Variants in PFKFB4 observed in about 807,000 individuals in gnomAD.
PFKFB4 encodes the protein 6-phosphofructo-2-kinase/fructose-2,6-biphosphatase 4, also known as 6-phosphofructo-2-kinase/fructose-2,6-bisphosphatase 4.
In PFKFB4, 42 loss-of-function variants were observed where a neutral mutation model predicts 62.8. That is an observed-to-expected ratio of 0.67 (90% confidence interval 0.52 to 0.86). The LOEUF is 0.86. PFKFB4 is among the 40% of genes least tolerant of loss of function. PFKFB4 has a pLI of 0.00. For synonymous variants in PFKFB4, 204 were observed against 240.7 expected (o/e 0.85, Z 1.41); for missense variants, 475 against 627.2 (o/e 0.76, Z 2.59).
At chr3:48,540,143 C>T (rs1013340049) in intron 4 of PFKFB4, among the ~76,000 whole-genome samples, 2 of 152,174 alleles carry the variant, frequency 1.3e-5, no homozygotes, top group Admixed American at 6.5e-5. Context: ...TAAACTGAAC[C>T]TATGTTTATT....
At chr3:48,520,830 G>A (rs1307451631) in intron 13 of PFKFB4, among the ~76,000 whole-genome samples, 4 of 152,204 alleles carry the variant, frequency 2.6e-5, no homozygotes, top group Non-Finnish European at 5.9e-5. Context: ...CCCAAGGGCT[G>A]CCAGGCCCAG....
rs1168566102 is a variant in PFKFB4 at position 48,556,759 on chromosome 3, A to G, written c.19T>C (p.Leu7=). The part of the protein sequence containing the change: MASPRE[L]TQNPLKKIWM... ...ATCTTCTTCAGGGGGTTCTGTGTCA[A>G]TTCCCGTGGGGACGCCATCCCGGGG... is the stretch of plus-strand genomic sequence containing the variant. Residue 7 remains leucine, a synonymous_variant, in exon 1 of 14, where the codon TTG becomes CTG. Transcript: ENST00000232375. The surrounding 1 kb of genome is among the most constrained non-coding windows in gnomAD (Gnocchi z 5.7). 3.7e-6 allele frequency: 6 copies of G among 1,602,308 alleles called. No individual in the cohort carries two copies. Among genetic ancestry groups the G allele is most frequent in the Admixed American group, 1.7e-5 (1 of 58,344 alleles).
chr3:48,523,413 TG>T (rs2042157242), intron 12 of PFKFB4, 123 bp downstream of exon 12: 2 of 899,488 alleles, frequency 2.2e-6, no homozygotes, highest in Non-Finnish European at 3.6e-6. Context: ...GGAAAGGTGG[TG>T]GGGTAGTAGG....
chr3:48,536,585 C>A, intron 7 of PFKFB4, 122 bp from the exon 8 acceptor site: 1 of 724,562 alleles, frequency 1.4e-6, no homozygotes. Flanking sequence ...AGATTACAAC[C>A]CTCAGGACCG....
upstream of PFKFB4, chr3:48,563,008 A>C (rs1486115688): frequency 6.2e-7 from 1 of 1,610,554 alleles, no homozygotes; most frequent in South Asian, 1.1e-5. This position sits in a 1 kb window ranked among gnomAD's most constrained non-coding sequence, Gnocchi z 4.5. Flanking sequence ...CAGGTCGGGG[A>C]GTGGTCTGGG....
chr3:48,550,874 G>A (rs182340899), intron 1 of PFKFB4, among the ~76,000 whole-genome samples: 27 of 152,324 alleles, frequency 1.8e-4, no homozygotes, highest in African/African-American at 6.0e-4. Context: ...AGCAGAAGAA[G>A]CCCTGTGGTA....
intron 9 of PFKFB4, among the ~76,000 whole-genome samples, chr3:48,526,695 CTTTGGGAGGCTG>C (rs1475352299): frequency 6.6e-6 from 1 of 151,652 alleles, no homozygotes; most frequent in African/African-American, 2.4e-5. Context: ...AATCCCAGCA[CTTTGGGAGGCTG>C]AGGCAGGTGG....
upstream of PFKFB4, chr3:48,562,532 T>A: frequency 3.7e-6 from 2 of 537,066 alleles, no homozygotes; most frequent in African/African-American, 2.0e-5. The surrounding 1 kb of genome is among the most constrained non-coding windows in gnomAD (Gnocchi z 4.3). Context: ...CAAGACTCCA[T>A]GTGGCAGTGA....
chr3:48,526,663 G>A (rs999179025), intron 9 of PFKFB4, among the ~76,000 whole-genome samples: 22 of 149,662 alleles, frequency 1.5e-4, no homozygotes, highest in Admixed American at 1.1e-3. Flanking sequence ...CATGTAGGCC[G>A]GGCACAGTGG....
chr3:48,550,628 C>T (rs569910515), intron 1 of PFKFB4, among the ~76,000 whole-genome samples: 4 of 152,178 alleles, frequency 2.6e-5, no homozygotes, highest in Non-Finnish European at 2.9e-5. Context: ...GAATCCATAC[C>T]CTAACCTTTT....
At chr3:48,539,642 G>A in intron 5 of PFKFB4, 55 bp downstream of exon 5, 1 of 1,412,244 alleles carries the variant, frequency 7.1e-7, no homozygotes, top group South Asian at 1.1e-5. Context: ...AGGAGCCCTG[G>A]AGGGCAGGGG....
Position 48,537,945 on chromosome 3 carries a change from T to C in PFKFB4, c.632+553A>G, listed in dbSNP as rs186573706. Among the ~76,000 whole-genome samples, 39 of 152,370 alleles carry C rather than the reference T, an allele frequency of 2.6e-4. 1 individual carries two copies. The highest frequency in any genetic ancestry group is 8.9e-4 in the African/African-American group (37 of 41,584). ...CACAATGACGAGTTGTAATGATGAC[T>C]GTAATACTTCACCAAGGGCTACATT... On this transcript the variant is annotated intron_variant, in intron 7 of 13. Transcript: ENST00000232375.
chr3:48,519,532 T>C lies in PFKFB4; in HGVS notation c.*215A>G. The C allele has an allele frequency of 5.4e-6, 3 of 556,952 alleles. No individual in the cohort carries two copies. Among genetic ancestry groups the C allele is most frequent in the Non-Finnish European group, 9.7e-6 (3 of 310,114 alleles). 34.5% of individuals were successfully genotyped at this position (556,952 alleles called of 1,614,324 possible). A position where few individuals can be genotyped will look rare whatever the true frequency, so the allele number is the denominator to read the frequency against. ...TGCAGATGCAGTCTGGTCAAGTGAC[T>C]CTTAGCAGCAGGTCAGGAGCCACGC... On this transcript the variant is annotated 3_prime_UTR_variant, in exon 14 of 14. Transcript: ENST00000232375.
chr3:48,532,525 A>G (rs2042461214), intron 9 of PFKFB4, among the ~76,000 whole-genome samples: 1 of 152,208 alleles, frequency 6.6e-6, no homozygotes, highest in Non-Finnish European at 1.5e-5. Flanking sequence ...AATGTGGTAT[A>G]CAATAGAATC....
chr3:48,522,077 C>A, intron 12 of PFKFB4, 27 bp from the exon 13 acceptor site: 1 of 1,608,334 alleles, frequency 6.2e-7, no homozygotes, highest in Non-Finnish European at 8.5e-7. Context: ...GCAAATCCAT[C>A]CCCACTCCTG....
At chr3:48,546,727 A>T (rs1314867342) in intron 3 of PFKFB4, among the ~76,000 whole-genome samples, 1 of 152,238 alleles carries the variant, frequency 6.6e-6, no homozygotes, top group Non-Finnish European at 1.5e-5. Context: ...TAGACTGTTT[A>T]TACAAACAAC....
chr3:48,543,474 G>T, intron 4 of PFKFB4, 106 bp downstream of exon 4: 2 of 1,036,940 alleles, frequency 1.9e-6, no homozygotes, highest in Non-Finnish European at 2.9e-6. Context: ...GAGCAGCTGG[G>T]GCACACACAC....
rs139678287 is a variant in PFKFB4, at chr3:48,529,571, C to G, written c.988-3902G>C. 7.0e-3 allele frequency among the ~76,000 whole-genome samples: 1,063 copies of G among 152,262 alleles called. 5 individuals carry two copies. Among genetic ancestry groups the G allele is most frequent in the Non-Finnish European group, 0.011 (734 of 68,028 alleles). On this transcript the variant is annotated intron_variant, in intron 9 of 13. Coordinates refer to ENST00000232375, the MANE Select transcript of PFKFB4 (RefSeq NM_004567.4). ...GAAGACACTGTCCTATAACCTGCCT[C>G]AGGTAGCTGCTGTTTGTGTGAGAAA...
At chr3:48,542,829 A>T (rs1465672243) in intron 4 of PFKFB4, among the ~76,000 whole-genome samples, 3 of 152,182 alleles carry the variant, frequency 2.0e-5, no homozygotes, top group Non-Finnish European at 1.5e-5. Flanking sequence ...TGTGAGGATT[A>T]AAAAAAGACA....
Sources: gnomAD v4.1 joint callset for allele counts (sites outside exome capture counted in the v4.1 genomes callset) on GRCh38, gnomAD v4.1.1 for gene constraint, Gnocchi (gnomAD v3.1) non-coding constraint, MANE v1.5 for transcripts, NCBI Gene and HGNC (gene_info 2026-07-23, HGNC 2026-07-21) for gene names.